The following MGMT variants were observed in gnomAD, a reference collection of about 807,000 sequenced individuals.
MGMT encodes O-6-methylguanine-DNA methyltransferase.
MGMT carries 14 observed loss-of-function variants against 15.9 expected under a neutral mutation model. The ratio of observed to expected loss-of-function variants is 0.88; its 90% CI spans 0.58 to 1.37. The LOEUF (loss-of-function observed/expected upper bound fraction) is 1.37, where lower values mean the gene tolerates loss of function less well. Among genes scored for constraint, MGMT ranks in the 40% most tolerant of loss-of-function variants. MGMT has a pLI of 0.00. For missense variants in MGMT, 282 were observed against 268.1 expected, an observed-to-expected ratio of 1.05 and a Z score of -0.36; for synonymous variants, 130 against 118.2, an observed-to-expected ratio of 1.10 and a Z score of -0.65.
chr10:129,736,383 C>T (rs1024635098), intron 3 of MGMT, among the ~76,000 whole-genome samples: 86 of 151,436 alleles, frequency 5.7e-4, no homozygotes, highest in African/African-American at 1.9e-3. Flanking sequence ...AGGATTGCAA[C>T]CCCTGCCTTT....
At chr10:129,521,048 A>G (rs577056065) in intron 1 of MGMT, among the ~76,000 whole-genome samples, 1 of 151,696 alleles carries the variant, frequency 6.6e-6, no homozygotes, top group East Asian at 1.9e-4. Flanking sequence ...CTGTCCCCGG[A>G]TTCCTGTCAG....
At chr10:129,519,744 A>T (rs1306580188) in intron 1 of MGMT, among the ~76,000 whole-genome samples, 2 of 152,168 alleles carry the variant, frequency 1.3e-5, no homozygotes, top group Non-Finnish European at 1.5e-5. Flanking sequence ...AAGAGGATTT[A>T]ATTCTCTTTG....
intron 2 of MGMT, among the ~76,000 whole-genome samples, chr10:129,538,691 A>G (rs2119764328): frequency 6.6e-6 from 1 of 151,782 alleles, no homozygotes; most frequent in South Asian, 2.1e-4. Context: ...GCTGGAGTGC[A>G]GTGGTGCAAT....
intron 1 of MGMT, among the ~76,000 whole-genome samples, chr10:129,486,174 T>C (rs1204017417): frequency 8.7e-6 from 1 of 115,540 alleles, no homozygotes; most frequent in Non-Finnish European, 1.6e-5. Context: ...TCTCTTCTCT[T>C]CTCTTTTTTT....
chr10:129,741,257 C>G (rs1341806160), intron 3 of MGMT, among the ~76,000 whole-genome samples: 1 of 152,200 alleles, frequency 6.6e-6, no homozygotes. Flanking sequence ...GAGCTGAAGC[C>G]TTATCAGTTG....
intron 3 of MGMT, among the ~76,000 whole-genome samples, chr10:129,726,403 T>C (rs1359085565): frequency 6.6e-6 from 1 of 152,096 alleles, no homozygotes; most frequent in East Asian, 1.9e-4. Context: ...GCTACTGTAG[T>C]CCTGGGTTGC....
In MGMT at chr10:129,703,347, G is replaced by A. The variant is rs145181830; in HGVS notation, c.126-4548G>A. Among the ~76,000 whole-genome samples, 513 of 152,298 alleles carry A rather than the reference G, an allele frequency of 3.4e-3. 1 individual carries two copies. The highest frequency in any genetic ancestry group is 5.8e-3 in the Non-Finnish European group (393 of 68,026). On this transcript the variant is annotated intron_variant, in intron 2 of 4. Transcript: ENST00000651593. ...TCCCTCAGCAGCATGAGAGAAGGAC[G>A]CCCGCGTGGGCAGAGGCTTGGTGTG...
At chr10:129,525,806 C>G (rs57453045) in intron 1 of MGMT, among the ~76,000 whole-genome samples, 24,232 of 151,998 alleles carry the variant, frequency 0.16, 3,029 homozygotes, top group African/African-American at 0.36. Flanking sequence ...TCTCCCCCTT[C>G]GTGTTTGCAT....
intron 2 of MGMT, among the ~76,000 whole-genome samples, chr10:129,595,999 G>C (rs911867092): frequency 1.3e-5 from 2 of 152,152 alleles, no homozygotes; most frequent in African/African-American, 4.8e-5. Context: ...AATTATAGGT[G>C]GGTTCAGCTG....
intron 1 of MGMT, among the ~76,000 whole-genome samples, chr10:129,516,543 A>G (rs1180817645): frequency 2.0e-5 from 3 of 152,246 alleles, no homozygotes; most frequent in East Asian, 1.9e-4. Context: ...GAGCTGCTAT[A>G]GAAGCAGAAT....
intron 2 of MGMT, among the ~76,000 whole-genome samples, chr10:129,600,732 A>G (rs1354709257): frequency 6.6e-6 from 1 of 152,214 alleles, no homozygotes; most frequent in Non-Finnish European, 1.5e-5. Context: ...AAGAGCAGGA[A>G]TTGGCTATGA....
chr10:129,611,186 T>G (rs1846955315), intron 2 of MGMT, among the ~76,000 whole-genome samples: 1 of 152,188 alleles, frequency 6.6e-6, no homozygotes. Flanking sequence ...CACACTGCTA[T>G]TAGCATCTGA....
intron 1 of MGMT, among the ~76,000 whole-genome samples, chr10:129,525,122 T>A (rs7094745): frequency 0.25 from 37,798 of 151,866 alleles, 5,636 homozygotes; most frequent in African/African-American, 0.42. Flanking sequence ...TCTATTTCTT[T>A]CACACACACA....
At chr10:129,749,641 G>T (rs1264585707) in intron 3 of MGMT, among the ~76,000 whole-genome samples, 1 of 152,114 alleles carries the variant, frequency 6.6e-6, no homozygotes, top group African/African-American at 2.4e-5. Context: ...AAATACCTAG[G>T]TGTGCAATTG....
chr10:129,537,384 T>A (rs1845997850), intron 2 of MGMT, among the ~76,000 whole-genome samples: 1 of 152,206 alleles, frequency 6.6e-6, no homozygotes, highest in African/African-American at 2.4e-5. Flanking sequence ...ATAGTCTTTT[T>A]GAGACCAAAA....
chr10:129,739,758 A>C (rs894824235), intron 3 of MGMT, among the ~76,000 whole-genome samples: 1 of 152,180 alleles, frequency 6.6e-6, no homozygotes, highest in African/African-American at 2.4e-5. Flanking sequence ...AACTTTCTTA[A>C]CACATTATGA....
At chr10:129,553,661 C>T (rs1008068951) in intron 2 of MGMT, among the ~76,000 whole-genome samples, 1 of 152,136 alleles carries the variant, frequency 6.6e-6, no homozygotes, top group African/African-American at 2.4e-5. Flanking sequence ...TTGTCTACTG[C>T]GGGAGACAGA....
chr10:129,696,011 C>T (rs1474627684), intron 2 of MGMT, among the ~76,000 whole-genome samples: 2 of 152,108 alleles, frequency 1.3e-5, no homozygotes, highest in African/African-American at 4.8e-5. Flanking sequence ...CGGTATGTTT[C>T]CAGTAGATGA....
chr10:129,701,979 C>T (rs2133136283), intron 2 of MGMT: 1 of 152,354 alleles, frequency 6.6e-6, no homozygotes, highest in East Asian at 1.9e-4. Context: ...AACATTCTAA[C>T]CACCTTTCTG....
Sources: allele counts gnomAD v4.1 joint callset (sites outside exome capture counted in the v4.1 genomes callset), GRCh38; gene constraint gnomAD v4.1.1; transcripts MANE v1.5; gene names NCBI Gene and HGNC (gene_info 2026-07-23, HGNC 2026-07-21).